RAB11FIP5: variants seen among roughly 807,000 people sequenced by gnomAD.
RAB11FIP5 encodes RAB11 family interacting protein 5, also known as rab11 family-interacting protein 5.
In RAB11FIP5, 48 loss-of-function variants were observed where a neutral mutation model predicts 85.1. That is an observed-to-expected ratio of 0.56 (90% confidence interval 0.45 to 0.72). The LOEUF is 0.72. Ranked by LOEUF, RAB11FIP5 falls within the 30% of genes least tolerant of loss-of-function variation. The pLI is 0.00. For missense variants in RAB11FIP5, 1,491 were observed against 1,687.0 expected (o/e 0.88, Z 2.04); for synonymous variants, 729 against 727.3 (o/e 1.00, Z -0.04).
chr2:73,087,958 A>AT, intron 3 of RAB11FIP5, 92 bp downstream of exon 3: 1 of 1,275,724 alleles, frequency 7.8e-7, no homozygotes, highest in Non-Finnish European at 1.1e-6. Context: ...CCTGAGGTCC[A>AT]TATCTACTCC....
intron 1 of RAB11FIP5, among the ~76,000 whole-genome samples, chr2:73,104,427 G>A (rs4591365): frequency 0.32 from 47,829 of 151,804 alleles, 8,922 homozygotes; most frequent in East Asian, 0.55. Context: ...AATTAGCTGG[G>A]CGTGGTGGCA....
chr2:73,080,431 C>T lies in RAB11FIP5; in HGVS notation c.2801G>A (p.Gly934Glu). ...CAGTGCACTTGGGGAGGCATCTTCT[C>T]CCTCTGTCTCCGGCCCCCTGTTACT... is the stretch of plus-strand genomic sequence containing the variant. Reference protein sequence around the residue: ...GLSNRGPETEGEDASPSALVV... With the variant: ...GLSNRGPETEEEDASPSALVV... The change falls in exon 4 of 6, where the codon GGA becomes GAA. Residue 934 changes from glycine to glutamate, a missense_variant. Physicochemically the swap from Gly to Glu is moderately conservative, Grantham distance 98. Around this residue, in one of 3 missense-constraint regions of RAB11FIP5, gnomAD observed 1,211 missense variants for 1,338.0 expected, o/e 0.91. Transcript: ENST00000486777. The T allele has an allele frequency of 4.1e-6, 5 of 1,233,572 alleles. No homozygotes were observed. The highest frequency in any genetic ancestry group is 5.1e-6 in the Non-Finnish European group (5 of 988,718). The allele number at this position is 1,233,572 out of a possible 1,614,324, so 76.4% of individuals were successfully genotyped here.
Position 73,073,751 on chromosome 2 carries a change from C to T in RAB11FIP5, c.*1770G>A, listed in dbSNP as rs892189411. 6 of 152,244 alleles carry T rather than the reference C, an allele frequency of 3.9e-5. No individual in the cohort carries two copies. Among genetic ancestry groups the T allele is most frequent in the African/African-American group, 1.4e-4 (6 of 41,448 alleles). 9.4% of individuals were successfully genotyped at this position (152,244 alleles called of 1,614,324 possible). A position where few individuals can be genotyped will look rare whatever the true frequency, so the allele number is the denominator to read the frequency against. ...GACCCCCAAAAGCATGACTGAAACCCTGGGGACCAGTGGATACTTTTCTCA... is the reference window on the plus strand; with the variant it reads ...GACCCCCAAAAGCATGACTGAAACCTTGGGGACCAGTGGATACTTTTCTCA... On this transcript the variant is annotated 3_prime_UTR_variant, in exon 6 of 6. Coordinates refer to ENST00000486777, the MANE Select transcript of RAB11FIP5 (RefSeq NM_001371272.1).
chr2:73,090,618 T>C (rs1170742243), intron 1 of RAB11FIP5, among the ~76,000 whole-genome samples: 1 of 152,188 alleles, frequency 6.6e-6, no homozygotes, highest in Non-Finnish European at 1.5e-5. Context: ...GGATCTTACA[T>C]ACATAAGTGA....
At chr2:73,106,750 G>C (rs1684535841) in intron 1 of RAB11FIP5, among the ~76,000 whole-genome samples, 1 of 152,226 alleles carries the variant, frequency 6.6e-6, no homozygotes, top group Admixed American at 6.5e-5. Context: ...ACTAAGTGCT[G>C]GGTAGTGAGA....
At position 73,089,118 on chromosome 2, in the gene RAB11FIP5, G is replaced by T; in HGVS notation, c.629C>A (p.Ala210Asp). The T allele has an allele frequency of 6.2e-7, 1 of 1,614,234 alleles. No homozygotes were observed. Among genetic ancestry groups the T allele is most frequent in the Non-Finnish European group, 8.5e-7 (1 of 1,180,040 alleles). The stretch of plus-strand genomic sequence containing the variant: ...CTCTATGGCGCTGCTTGGGAGGATG[G>T]CAGAGGCAGATTCCAGATCATACTT... ...KKKYDLESAS[A>D]ILPSSAIEDP... Residue 210 changes from alanine (A) to aspartate (D), a missense_variant, in exon 2 of 6, where the codon GCC (alanine) becomes GAC (aspartate). Ala to Asp is a moderately radical substitution (Grantham distance 126). Coordinates refer to ENST00000486777, the MANE Select transcript of RAB11FIP5 (RefSeq NM_001371272.1). The surrounding 1 kb of genome is among the most constrained non-coding windows in gnomAD (Gnocchi z 4.6).
Position 73,081,518 on chromosome 2 carries a change from C to CG in RAB11FIP5, c.1713dup (p.Ala572ArgfsTer15). The stretch of plus-strand genomic sequence containing the variant: ...GCGGCAGCGGCAGCAGTGGCAGCAG[C>CG]GGGGGAGGCGGCTGCAAAAAGGTTA... On this transcript the variant is annotated frameshift_variant, in exon 4 of 6. Transcript: ENST00000486777. LOFTEE classifies it high-confidence loss of function. The surrounding 1 kb of genome is among the most constrained non-coding windows in gnomAD (Gnocchi z 4.2). 3.3e-6 allele frequency: 4 copies of CG among 1,228,248 alleles called. No individual in the cohort carries two copies. The South Asian group carries it at 1.2e-4, about 38-fold the overall frequency. The allele number at this position is 1,228,248 out of a possible 1,614,324, so 76.1% of individuals were successfully genotyped here. A position where few individuals can be genotyped will look rare whatever the true frequency, so the allele number is the denominator to read the frequency against.
chr2:73,108,709 A>G (rs1395626144), intron 1 of RAB11FIP5, among the ~76,000 whole-genome samples: 2 of 152,206 alleles, frequency 1.3e-5, no homozygotes, highest in African/African-American at 4.8e-5. Flanking sequence ...CTGTCTTGGG[A>G]GTTAGGGAGG....
At position 73,073,764 on chromosome 2, in the gene RAB11FIP5, G is replaced by A. The variant is rs1683791080; in HGVS notation, c.*1757C>T. 6.6e-6 allele frequency: 1 copy of A among 152,220 alleles called. No individual in the cohort carries two copies. Among genetic ancestry groups the A allele is most frequent in the Middle Eastern group, 3.2e-3 (1 of 316 alleles). The allele number at this position is 152,220 out of a possible 1,614,324, so 9.4% of individuals were successfully genotyped here. ...ATGACTGAAACCCTGGGGACCAGTG[G>A]ATACTTTTCTCAGATTTGATGAGTG... On this transcript the variant is annotated 3_prime_UTR_variant, in exon 6 of 6. Coordinates refer to ENST00000486777, the MANE Select transcript of RAB11FIP5 (RefSeq NM_001371272.1).
intron 1 of RAB11FIP5, among the ~76,000 whole-genome samples, chr2:73,111,092 G>A (rs1324875822): frequency 1.3e-5 from 2 of 152,020 alleles, no homozygotes; most frequent in African/African-American, 4.8e-5. Context: ...AAGGAAGGCG[G>A]GGAGCAGGCC....
intron 3 of RAB11FIP5, among the ~76,000 whole-genome samples, chr2:73,087,119 G>T (rs902027641): frequency 2.0e-5 from 3 of 152,210 alleles, no homozygotes; most frequent in Non-Finnish European, 4.4e-5. Flanking sequence ...AGCGGGAAGG[G>T]CAGGCTTGTT....
chr2:73,082,913 C>T (rs868290491), intron 3 of RAB11FIP5, among the ~76,000 whole-genome samples: 1 of 152,194 alleles, frequency 6.6e-6, no homozygotes, highest in African/African-American at 2.4e-5. Flanking sequence ...ACTGAGCCAC[C>T]GTCAGAGGCA....
Position 73,112,632 on chromosome 2 carries a change from T to C in RAB11FIP5, c.146A>G (p.Gln49Arg). 1 of 1,601,782 alleles carries C rather than the reference T, an allele frequency of 6.2e-7. No homozygotes were observed. The highest frequency in any genetic ancestry group is 8.5e-7 in the Non-Finnish European group (1 of 1,175,546). ...CGTACTGTACTTCTCGCGGCCCACC[T>C]GGATCACCGTGTACGCGTCGCTGGT... is the stretch of plus-strand genomic sequence containing the variant. Reference protein sequence around the residue: ...GSTSDAYTVIQVGREKYSTSV... With the variant: ...GSTSDAYTVIRVGREKYSTSV... Residue 49 changes from glutamine (Q) to arginine (R), a missense_variant, in exon 1 of 6, where the codon CAG becomes CGG. Transcript: ENST00000486777.
At chr2:73,096,409 CAG>C (rs1454184100) in intron 1 of RAB11FIP5, among the ~76,000 whole-genome samples, 1 of 152,194 alleles carries the variant, frequency 6.6e-6, no homozygotes, top group East Asian at 1.9e-4. Context: ...CAGAGACAGA[CAG>C]GGGTGTGGGG....
Position 73,079,816 on chromosome 2 carries a change from G to A in RAB11FIP5, c.3416C>T (p.Ala1139Val), listed in dbSNP as rs908113160. ...GAGTAAGGCTGGCTCCCCTGGTGGT[G>A]CAGAGGAGGTAGTCAGGGGCCAGGC... The part of the protein sequence containing the change: ...SEAWPLTTSS[A>V]PPGEPALLPG... Residue 1139 changes from alanine to valine, a missense_variant, in exon 4 of 6, where the codon GCA becomes GTA. Ala to Val is a moderately conservative substitution (Grantham distance 64). Transcript: ENST00000486777. 6.5e-6 allele frequency: 8 copies of A among 1,232,222 alleles called. No individual in the cohort carries two copies. Among genetic ancestry groups the A allele is most frequent in the East Asian group, 6.3e-5 (2 of 31,710 alleles). The allele number at this position is 1,232,222 out of a possible 1,614,324, so 76.3% of individuals were successfully genotyped here.
chr2:73,096,002 C>T (rs1279104041), intron 1 of RAB11FIP5, among the ~76,000 whole-genome samples: 1 of 152,172 alleles, frequency 6.6e-6, no homozygotes, highest in Non-Finnish European at 1.5e-5. Flanking sequence ...GTCCAGAATT[C>T]CTGAGAGGCT....
intron 1 of RAB11FIP5, among the ~76,000 whole-genome samples, chr2:73,096,324 A>G (rs1334999482): frequency 6.6e-6 from 1 of 152,182 alleles, no homozygotes; most frequent in East Asian, 1.9e-4. Flanking sequence ...ATAACTGGGG[A>G]GGTCCTGCAC....
intron 1 of RAB11FIP5, among the ~76,000 whole-genome samples, chr2:73,100,323 C>T (rs1184773018): frequency 6.6e-6 from 1 of 152,102 alleles, no homozygotes. Context: ...AAAAGGCCTG[C>T]AGCCTTCAAT....
intron 1 of RAB11FIP5, among the ~76,000 whole-genome samples, chr2:73,090,148 G>A (rs1218893964): frequency 6.6e-6 from 1 of 152,152 alleles, no homozygotes; most frequent in Admixed American, 6.5e-5. Flanking sequence ...AGGAGGGTGA[G>A]GCTCAGTGGT....
Sources: allele counts gnomAD v4.1 joint callset (sites outside exome capture counted in the v4.1 genomes callset), GRCh38; gene constraint gnomAD v4.1.1; regional missense constraint gnomAD v4.1.1; non-coding constraint Gnocchi (gnomAD v3.1); transcripts MANE v1.5; gene names NCBI Gene and HGNC (gene_info 2026-07-23, HGNC 2026-07-21).